Variants in UCHL1 observed in about 807,000 individuals in gnomAD.
UCHL1 encodes the protein ubiquitin carboxyl-terminal hydrolase isozyme L1.
A neutral mutation model predicts 33.3 loss-of-function variants in UCHL1; 5 were observed. The observed-to-expected ratio is 0.15, with a 90% CI of 0.08 to 0.32. The LOEUF is 0.32. UCHL1 is among the 10% of genes least tolerant of loss of function. The pLI is 1.00. For synonymous variants in UCHL1, 132 were observed against 108.8 expected (o/e 1.21, Z -1.33); for missense variants, 236 against 280.0 (o/e 0.84, Z 1.12).
At position 41,260,632 on chromosome 4, in the gene UCHL1, T is replaced by C. The variant is rs1320385150; in HGVS notation, c.175-15T>C. ...CTTTCATTCTGAGATGTAAAAACGC[T>C]TTTTACATTCGCAGCATGAGAACTT... On this transcript the variant is annotated splice_polypyrimidine_tract_variant and intron_variant, in intron 3 of 8. Coordinates refer to ENST00000284440, the MANE Select transcript of UCHL1 (RefSeq NM_004181.5). The C allele has an allele frequency of 9.3e-6, 15 of 1,614,124 alleles. No homozygotes were observed. In the South Asian group the frequency reaches 1.4e-4, roughly 15 times the overall value.
At chr4:41,262,074 T>A in intron 6 of UCHL1, 151 bp downstream of exon 6, 1 of 1,139,576 alleles carries the variant, frequency 8.8e-7, no homozygotes, top group Non-Finnish European at 1.3e-6. Flanking sequence ...ATGCTTTGAC[T>A]AGACCTGTTC....
chr4:41,267,035 T>G (rs1375085572), intron 8 of UCHL1, among the ~76,000 whole-genome samples: 1 of 152,222 alleles, frequency 6.6e-6, no homozygotes, highest in Non-Finnish European at 1.5e-5. Flanking sequence ...CTGGGCTTTT[T>G]TACAGATTGA....
At chr4:41,261,595 C>T (rs1339938699) in intron 4 of UCHL1, 120 bp from the exon 5 acceptor site, 4 of 1,065,356 alleles carry the variant, frequency 3.8e-6, no homozygotes, top group African/African-American at 1.6e-5. Flanking sequence ...ATCCACAACC[C>T]TGGAGGCAGT....
intron 8 of UCHL1, among the ~76,000 whole-genome samples, chr4:41,266,573 T>C (rs887347589): frequency 1.3e-5 from 2 of 152,148 alleles, no homozygotes; most frequent in East Asian, 1.9e-4. Flanking sequence ...AATACTGATA[T>C]ATTAAAAAAC....
chr4:41,266,528 C>T (rs1781157214), intron 8 of UCHL1, among the ~76,000 whole-genome samples: 1 of 151,914 alleles, frequency 6.6e-6, no homozygotes, highest in Non-Finnish European at 1.5e-5. Flanking sequence ...ATTGTATGTC[C>T]TATAGTAAGG....
chr4:41,259,853 C>T (rs532562866), intron 3 of UCHL1, among the ~76,000 whole-genome samples: 1 of 152,300 alleles, frequency 6.6e-6, no homozygotes, highest in South Asian at 2.1e-4. Flanking sequence ...CTTCTAAGGT[C>T]TTTAAAGCTA....
chr4:41,261,800 G>GGT lies in UCHL1; in HGVS notation c.411+1_411+2dup. The GGT allele has an allele frequency of 6.2e-7, 1 of 1,614,056 alleles. No individual in the cohort carries two copies. Among genetic ancestry groups the GGT allele is most frequent in the Admixed American group, 1.7e-5 (1 of 60,014 alleles). On this transcript the variant is annotated frameshift_variant and splice_region_variant. Transcript: ENST00000284440. LOFTEE classifies it high-confidence loss of function. ...GAGCAAAATGCTTTGAAAAGAATGA[G>GGT]GTAAGAGAACTTACAGAGCATGGCC... is the stretch of plus-strand genomic sequence containing the variant.
At chr4:41,263,544 A>C (rs1781107107) in intron 7 of UCHL1, among the ~76,000 whole-genome samples, 1 of 152,246 alleles carries the variant, frequency 6.6e-6, no homozygotes, top group Non-Finnish European at 1.5e-5. Context: ...CAGTGCCTGA[A>C]TATGACCTTA....
At chr4:41,262,802 C>T (rs1781093818) in intron 6 of UCHL1, among the ~76,000 whole-genome samples, 1 of 152,092 alleles carries the variant, frequency 6.6e-6, no homozygotes, top group Non-Finnish European at 1.5e-5. Flanking sequence ...GATGGGGTTT[C>T]ACCATGTTGT....
At chr4:41,258,150 G>A (rs1781013948) in intron 3 of UCHL1, among the ~76,000 whole-genome samples, 1 of 152,146 alleles carries the variant, frequency 6.6e-6, no homozygotes, top group Admixed American at 6.5e-5. Context: ...CTGTAGAATG[G>A]AGGGGGAAGG....
Position 41,261,805 on chromosome 4 carries a change from G to A in UCHL1, c.411+5G>A. 2 of 1,614,110 alleles carry A rather than the reference G, an allele frequency of 1.2e-6. No individual in the cohort carries two copies. Among genetic ancestry groups the A allele is most frequent in the Non-Finnish European group, 1.7e-6 (2 of 1,180,022 alleles). ...AAATGCTTTGAAAAGAATGAGGTAA[G>A]AGAACTTACAGAGCATGGCCTTTAA... On this transcript the variant is annotated splice_donor_5th_base_variant and intron_variant, in intron 5 of 8. Transcript: ENST00000284440.
chr4:41,263,233 C>A lies in UCHL1; in HGVS notation c.468C>A (p.Asp156Glu). Residue 156 changes from aspartate to glutamate, a missense_variant, in exon 7 of 9, where the codon GAC becomes GAA. Physicochemically the swap from Asp to Glu is conservative, Grantham distance 45. Transcript: ENST00000284440. The part of the protein sequence containing the change: ...VAQEGQCRVD[D>E]KVNFHFILFN... ...TTCTTGACTTTCTTTAGGTAGATGA[C>A]AAGGTGAATTTCCATTTTATTCTGT... 6.2e-7 allele frequency: 1 copy of A among 1,613,838 alleles called. No homozygotes were observed. The highest frequency in any genetic ancestry group is 1.3e-5 in the African/African-American group (1 of 75,030).
chr4:41,260,267 A>T (rs1205795365), intron 3 of UCHL1, among the ~76,000 whole-genome samples: 1 of 152,218 alleles, frequency 6.6e-6, no homozygotes, highest in African/African-American at 2.4e-5. Flanking sequence ...AGCTTGATTT[A>T]GGATGCCTAT....
At chr4:41,260,494 C>A in intron 3 of UCHL1, 153 bp from the exon 4 acceptor site, 1 of 913,554 alleles carries the variant, frequency 1.1e-6, no homozygotes, top group South Asian at 1.6e-5. Flanking sequence ...GGCAGACAGA[C>A]GGGCCCTTCT....
At chr4:41,267,490 C>T (rs1401083200) in intron 8 of UCHL1, among the ~76,000 whole-genome samples, 1 of 152,122 alleles carries the variant, frequency 6.6e-6, no homozygotes, top group East Asian at 1.9e-4. Context: ...TCGTGATCCG[C>T]CTGCCTCAGC....
At chr4:41,266,652 G>A (rs374709144) in intron 8 of UCHL1, among the ~76,000 whole-genome samples, 59 of 152,128 alleles carry the variant, frequency 3.9e-4, no homozygotes, top group African/African-American at 1.2e-3. Flanking sequence ...AAAGGGTCTC[G>A]CTGTGTCATT....
At chr4:41,261,946 G>T (rs759897414) in intron 6 of UCHL1, 23 bp downstream of exon 6, 2 of 1,613,156 alleles carry the variant, frequency 1.2e-6, no homozygotes, top group Non-Finnish European at 8.5e-7. Context: ...ACAAATCGGA[G>T]CCAGGCTGCC....
chr4:41,267,351 C>T (rs1168248263), intron 8 of UCHL1, among the ~76,000 whole-genome samples: 1 of 152,170 alleles, frequency 6.6e-6, no homozygotes, highest in Non-Finnish European at 1.5e-5. Flanking sequence ...TCACGCCATT[C>T]TCCTGCCTTA....
At chr4:41,263,479 A>T (rs1781105880) in intron 7 of UCHL1, among the ~76,000 whole-genome samples, 188 bp downstream of exon 7, 1 of 152,054 alleles carries the variant, frequency 6.6e-6, no homozygotes, top group African/African-American at 2.4e-5. Flanking sequence ...CAGGCAACTG[A>T]CTAGCATCCC....
Sources: gnomAD v4.1 joint callset for allele counts (sites outside exome capture counted in the v4.1 genomes callset) on GRCh38, gnomAD v4.1.1 for gene constraint, MANE v1.5 for transcripts, NCBI Gene and HGNC (gene_info 2026-07-23, HGNC 2026-07-21) for gene names.